The following TMEM178A variants were observed in gnomAD, a reference collection of about 807,000 sequenced individuals.
The protein encoded by TMEM178A is transmembrane protein 178A, also known as transmembrane protein 178.
A neutral mutation model predicts 29.1 loss-of-function variants in TMEM178A; 12 were observed. The observed-to-expected ratio is 0.41, with a 90% CI of 0.26 to 0.67. The LOEUF (loss-of-function observed/expected upper bound fraction) is 0.67, where lower values mean the gene tolerates loss of function less well. Ranked by LOEUF, TMEM178A falls within the 30% of genes least tolerant of loss-of-function variation. The probability of loss-of-function intolerance (pLI) is 0.29; values close to 1 mark genes in which losing one functional copy is unlikely to be tolerated. For synonymous variants in TMEM178A, 210 were observed against 187.2 expected (o/e 1.12, Z -0.99); for missense variants, 366 against 419.1 (o/e 0.87, Z 1.11).
intron 1 of TMEM178A, among the ~76,000 whole-genome samples, chr2:39,682,150 TA>T (rs918614279): frequency 4.5e-4 from 69 of 152,338 alleles, no homozygotes; most frequent in African/African-American, 1.5e-3. Context: ...TCCAAATAGC[TA>T]AAACCTACCT....
intron 3 of TMEM178A, among the ~76,000 whole-genome samples, chr2:39,712,952 G>A (rs913816509): frequency 1.2e-4 from 18 of 152,172 alleles, no homozygotes; most frequent in African/African-American, 4.3e-4. Context: ...CCCTACTTGG[G>A]GTAATTTGTG....
chr2:39,673,328 G>A (rs1017303342), intron 1 of TMEM178A, among the ~76,000 whole-genome samples: 4 of 152,170 alleles, frequency 2.6e-5, no homozygotes, highest in Non-Finnish European at 4.4e-5. Flanking sequence ...CACCCATCAG[G>A]GAATGCATTA....
chr2:39,721,664 A>C (rs577463089), downstream of TMEM178A, among the ~76,000 whole-genome samples: 23 of 152,222 alleles, frequency 1.5e-4, no homozygotes, highest in South Asian at 4.8e-3. Flanking sequence ...CAAACGGCCT[A>C]AAAAAGGATA....
intron 1 of TMEM178A, among the ~76,000 whole-genome samples, chr2:39,697,341 C>A (rs996271111): frequency 6.6e-6 from 1 of 152,198 alleles, no homozygotes; most frequent in African/African-American, 2.4e-5. Context: ...ATCTATCTGA[C>A]TTTCTGCTAT....
chr2:39,668,943 T>C (rs899096901), intron 1 of TMEM178A, among the ~76,000 whole-genome samples: 1 of 152,206 alleles, frequency 6.6e-6, no homozygotes, highest in Non-Finnish European at 1.5e-5. Context: ...TGTTTTGGCA[T>C]CTGACATTAG....
intron 1 of TMEM178A, among the ~76,000 whole-genome samples, chr2:39,680,274 G>A (rs1670810561): frequency 6.6e-6 from 1 of 152,302 alleles, no homozygotes; most frequent in East Asian, 1.9e-4. Flanking sequence ...AATTAACTCA[G>A]CAAAGTGTCA....
Position 39,717,232 on chromosome 2 carries a change from G to T in TMEM178A, c.875G>T (p.Gly292Val), listed in dbSNP as rs765724098. 1 of 1,613,590 alleles carries T rather than the reference G, an allele frequency of 6.2e-7. No individual in the cohort carries two copies. The highest frequency in any genetic ancestry group is 1.1e-5 in the South Asian group (1 of 91,026). ...SRTKIAQLKS[G>V]RDSTV ...ACCAAGATTGCACAGCTAAAGTCTG[G>T]CAGAGACTCCACGGTATGACTGTCC... The change falls in exon 4 of 4, where the codon GGC becomes GTC. Residue 292 changes from glycine (G) to valine (V), a missense_variant. Gly to Val is a moderately radical substitution (Grantham distance 109). Transcript: ENST00000281961.
At chr2:39,673,376 A>C (rs1670483960) in intron 1 of TMEM178A, among the ~76,000 whole-genome samples, 1 of 152,256 alleles carries the variant, frequency 6.6e-6, no homozygotes, top group South Asian at 2.1e-4. Context: ...AACCATATTT[A>C]AGTTTCTGTT....
At chr2:39,688,149 C>T (rs1395736831) in intron 1 of TMEM178A, among the ~76,000 whole-genome samples, 6 of 152,172 alleles carry the variant, frequency 3.9e-5, no homozygotes, top group Non-Finnish European at 7.3e-5. Context: ...GCCTTGTTTT[C>T]CTTATTTGCA....
chr2:39,702,640 C>G (rs1425754919), intron 1 of TMEM178A, among the ~76,000 whole-genome samples: 2 of 151,174 alleles, frequency 1.3e-5, no homozygotes, highest in Non-Finnish European at 2.9e-5. Context: ...GACCTCACAA[C>G]CACTGCCATG....
chr2:39,693,762 G>A (rs1671424512), intron 1 of TMEM178A, among the ~76,000 whole-genome samples: 1 of 152,088 alleles, frequency 6.6e-6, no homozygotes. Flanking sequence ...ATGCCAAGAT[G>A]GTTCTGAGAA....
the TMEM178A span, among the ~76,000 whole-genome samples, chr2:39,733,971 C>T: frequency 4.2e-3 from 635 of 152,062 alleles, 7 homozygotes; most frequent in African/African-American, 0.013. Context: ...ATCATCTTTT[C>T]GTCTTTCCTG....
chr2:39,717,014 A>C lies in TMEM178A; in HGVS notation c.657A>C (p.Ile219=). ...TTCTCTTTGTATTATTTATAGGGAT[A>C]TTTTGCACCATTTCCCTCTGTACTT... ...VAGLLFLMTG[I]FCTISLCTYA... Residue 219 remains isoleucine, a synonymous_variant, in exon 4 of 4, where the codon ATA becomes ATC. Transcript: ENST00000281961. 6.2e-7 allele frequency: 1 copy of C among 1,609,720 alleles called. No individual in the cohort carries two copies. Among genetic ancestry groups the C allele is most frequent in the Non-Finnish European group, 8.5e-7 (1 of 1,178,602 alleles).
chr2:39,686,286 T>A (rs983285011), intron 1 of TMEM178A, among the ~76,000 whole-genome samples: 44 of 152,170 alleles, frequency 2.9e-4, no homozygotes, highest in Non-Finnish European at 6.3e-4. Flanking sequence ...CCTAGAATAG[T>A]GGTTGTCCAG....
chr2:39,710,096 C>T (rs922444067), intron 3 of TMEM178A, among the ~76,000 whole-genome samples: 1 of 152,144 alleles, frequency 6.6e-6, no homozygotes, highest in African/African-American at 2.4e-5. Context: ...TGGATTGTAC[C>T]TCTGGACCAG....
chr2:39,667,328 T>G (rs57113113), intron 1 of TMEM178A, among the ~76,000 whole-genome samples: 2,469 of 129,640 alleles, frequency 0.019, 71 homozygotes, highest in African/African-American at 0.073. Context: ...TGCTATCAGA[T>G]AGTTTGATTT....
chr2:39,678,354 A>G (rs1188504531), intron 1 of TMEM178A, among the ~76,000 whole-genome samples: 2 of 152,266 alleles, frequency 1.3e-5, no homozygotes, highest in Non-Finnish European at 2.9e-5. Context: ...TGATGAATAG[A>G]TAAGAAAATG....
At chr2:39,695,724 C>T (rs903793612) in intron 1 of TMEM178A, among the ~76,000 whole-genome samples, 2 of 151,758 alleles carry the variant, frequency 1.3e-5, no homozygotes, top group East Asian at 1.9e-4. Flanking sequence ...AGTCTGAATT[C>T]GATTCAGGGG....
chr2:39,669,660 A>C (rs2716692), intron 1 of TMEM178A, among the ~76,000 whole-genome samples: 77,384 of 152,046 alleles, frequency 0.51, 20,746 homozygotes, highest in East Asian at 0.87. Flanking sequence ...ATTAAGAACC[A>C]AGACTAGAAC....
Sources: allele counts gnomAD v4.1 joint callset (sites outside exome capture counted in the v4.1 genomes callset), GRCh38; gene constraint gnomAD v4.1.1; transcripts MANE v1.5; gene names NCBI Gene and HGNC (gene_info 2026-07-23, HGNC 2026-07-21).